Variants in TRIB3 observed in about 807,000 individuals in gnomAD.
The protein encoded by TRIB3 is tribbles homolog 3.
Under a neutral mutation model 16.6 loss-of-function variants are expected in TRIB3, and 20 were observed. That is an observed-to-expected ratio of 1.20 (90% CI 0.85 to 1.75). TRIB3 has a LOEUF of 1.75. TRIB3 is among the 40% of genes most tolerant of loss of function. TRIB3 has a pLI of 0.00. For missense variants in TRIB3, 484 were observed against 488.9 expected (o/e 0.99, Z 0.10); for synonymous variants, 208 against 217.0 (o/e 0.96, Z 0.36).
At chr20:391,631 A>G (rs1032420559) in intron 3 of TRIB3, 52 bp downstream of exon 3, 1 of 1,567,334 alleles carries the variant, frequency 6.4e-7, no homozygotes. Context: ...GGGGTGGGCC[A>G]TGATGGAGAG....
intron 1 of TRIB3, chr20:382,469 G>C (rs1281527654): frequency 4.8e-6 from 7 of 1,469,488 alleles, no homozygotes; most frequent in Admixed American, 2.0e-5. Context: ...ATCATCCTGC[G>C]TGACTCAGAA....
intron 2 of TRIB3, among the ~76,000 whole-genome samples, chr20:389,670 G>T (rs564105198): frequency 1.3e-5 from 2 of 152,248 alleles, no homozygotes; most frequent in Admixed American, 6.5e-5. Flanking sequence ...TCCCGCTGGG[G>T]AGGTGAGTCC....
chr20:396,491 G>A lies in TRIB3; in HGVS notation c.878G>A (p.Arg293His), dbSNP rs541757425. The A allele has an allele frequency of 4.7e-5, 76 of 1,612,892 alleles. 2 individuals carry two copies. The highest frequency in any genetic ancestry group is 3.8e-4 in the South Asian group (35 of 91,068). Residue 293 changes from arginine to histidine, a missense_variant, in exon 4 of 4, where the codon CGC (arginine) becomes CAC (histidine). Transcript: ENST00000217233. ...TCGGCCCCTGCCCGCTGTCTGGTTC[G>A]CTGCCTCCTTCGTCGGGAGCCAGCT... ...GLSAPARCLV[R>H]CLLRREPAER...
At chr20:382,584 GA>G in intron 1 of TRIB3, 1 of 1,535,496 alleles carries the variant, frequency 6.5e-7, no homozygotes, top group Non-Finnish European at 8.7e-7. Flanking sequence ...ATAACAGGAT[GA>G]GTGCTAATAA....
At chr20:382,059 G>T (rs1049990811) in intron 1 of TRIB3, among the ~76,000 whole-genome samples, 2 of 152,112 alleles carry the variant, frequency 1.3e-5, no homozygotes, top group Non-Finnish European at 2.9e-5. Flanking sequence ...TGGGGGTGCG[G>T]CCTTGCTCGG....
intron 2 of TRIB3, 95 bp downstream of exon 2, chr20:388,396 C>T: frequency 5.0e-6 from 7 of 1,402,842 alleles, no homozygotes; most frequent in Non-Finnish European, 6.6e-6. Context: ...TCCTTATGTT[C>T]ATTCATTCTT....
rs1038090211 is a variant in TRIB3, at chr20:385,611, T to G, written c.1-2400T>G. ...CCTTCTGAATGAGCTACTTTGGGAG[T>G]AGGGCCCAGCAATGTATGTTGAAAC... On this transcript the variant is annotated intron_variant, in intron 1 of 3. Transcript: ENST00000217233. 5 of 151,626 alleles carry G rather than the reference T, an allele frequency of 3.3e-5. 1 individual carries two copies. The South Asian group carries it at 1.0e-3, about 32-fold the overall frequency. 9.4% of individuals were successfully genotyped at this position (151,626 alleles called of 1,614,324 possible). A position where few individuals can be genotyped will look rare whatever the true frequency, so the allele number is the denominator to read the frequency against.
At chr20:389,932 A>G (rs1278081806) in intron 2 of TRIB3, among the ~76,000 whole-genome samples, 5 of 152,176 alleles carry the variant, frequency 3.3e-5, no homozygotes, top group African/African-American at 1.2e-4. Context: ...GAGCACCCGT[A>G]TTTGCCATGT....
At chr20:395,280 G>C (rs2015095091) in intron 3 of TRIB3, among the ~76,000 whole-genome samples, 1 of 151,578 alleles carries the variant, frequency 6.6e-6, no homozygotes, top group Admixed American at 6.6e-5. Context: ...TTCTGCCTCA[G>C]CCTCCCAAGT....
Position 381,086 on chromosome 20 carries a change from G to A in TRIB3, c.-84G>A, listed in dbSNP as rs2014626359. ...GGCTGGGATCCCGAGCTCGGCAGCA[G>A]CGCAGCGGGCCGGCCCACCTGCTGG... is the stretch of plus-strand genomic sequence containing the variant. On this transcript the variant is annotated 5_prime_UTR_variant, in exon 1 of 4. Coordinates refer to ENST00000217233, the MANE Select transcript of TRIB3 (RefSeq NM_021158.5). 1.3e-5 allele frequency: 2 copies of A among 152,162 alleles called. No homozygotes were observed. Among genetic ancestry groups the A allele is most frequent in the South Asian group, 4.1e-4 (2 of 4,834 alleles). 9.4% of individuals were successfully genotyped at this position (152,162 alleles called of 1,614,324 possible). A position where few individuals can be genotyped will look rare whatever the true frequency, so the allele number is the denominator to read the frequency against.
intron 3 of TRIB3, among the ~76,000 whole-genome samples, chr20:394,041 T>C (rs2015054822): frequency 6.6e-6 from 1 of 150,510 alleles, no homozygotes; most frequent in Non-Finnish European, 1.5e-5. Context: ...TCTTTTTTTT[T>C]TTTTTTTGAG....
chr20:393,406 A>C (rs530335626), intron 3 of TRIB3, among the ~76,000 whole-genome samples: 1 of 151,764 alleles, frequency 6.6e-6, no homozygotes, highest in East Asian at 1.9e-4. Flanking sequence ...ATCACAGCTC[A>C]CTGCAGCCTC....
rs2015126730 is a variant in TRIB3 at position 396,403 on chromosome 20, T to C, written c.790T>C (p.Ser264Pro). 6.8e-6 allele frequency: 11 copies of C among 1,613,152 alleles called. No homozygotes were observed. The highest frequency in any genetic ancestry group is 9.3e-6 in the Non-Finnish European group (11 of 1,180,038). The stretch of plus-strand genomic sequence containing the variant: ...GGCCGGCCACTACCCCTTCCAGGAC[T>C]CGGAGCCTGTCCTGCTCTTCGGCAA... ...MLAGHYPFQD[S>P]EPVLLFGKIR... is the part of the protein sequence containing the mutation. Residue 264 changes from serine to proline, a missense_variant, in exon 4 of 4, where the codon TCG becomes CCG. Transcript: ENST00000217233.
At chr20:390,440 T>C (rs2014940297) in intron 2 of TRIB3, among the ~76,000 whole-genome samples, 1 of 152,220 alleles carries the variant, frequency 6.6e-6, no homozygotes, top group Non-Finnish European at 1.5e-5. Flanking sequence ...TTGCATGGCC[T>C]CCCAGTGGGC....
At chr20:392,316 T>C (rs1453673953) in intron 3 of TRIB3, among the ~76,000 whole-genome samples, 1 of 152,166 alleles carries the variant, frequency 6.6e-6, no homozygotes, top group African/African-American at 2.4e-5. Context: ...TAATTCAATC[T>C]GAGCTTGAGA....
Position 396,240 on chromosome 20 carries a change from G to A in TRIB3, c.627G>A (p.Leu209=). ...VLENLEDSCV[L]TGPDDSLWDK... ...AGAACCTGGAGGACTCCTGCGTGCT[G>A]ACTGGGCCAGATGATTCCCTGTGGG... Residue 209 remains leucine (L), a synonymous_variant, in exon 4 of 4, where the codon CTG becomes CTA. Coordinates refer to ENST00000217233, the MANE Select transcript of TRIB3 (RefSeq NM_021158.5). 3 of 1,613,668 alleles carry A rather than the reference G, an allele frequency of 1.9e-6. No individual in the cohort carries two copies. The highest frequency in any genetic ancestry group is 2.5e-6 in the Non-Finnish European group (3 of 1,179,750).
At chr20:395,452 C>T (rs1451972480) in intron 3 of TRIB3, among the ~76,000 whole-genome samples, 6 of 151,666 alleles carry the variant, frequency 4.0e-5, no homozygotes, top group African/African-American at 1.5e-4. Context: ...TGAGCCACCG[C>T]GCCCAGCCTT....
chr20:383,921 C>T (rs1232218961), intron 1 of TRIB3, among the ~76,000 whole-genome samples: 1 of 152,154 alleles, frequency 6.6e-6, no homozygotes, highest in African/African-American at 2.4e-5. Context: ...CCACAGTCCC[C>T]AAAATACAGG....
At position 391,411 on chromosome 20, in the gene TRIB3, G is replaced by C. The variant is rs199753662; in HGVS notation, c.416G>C (p.Arg139Pro). 3 of 1,613,704 alleles carry C rather than the reference G, an allele frequency of 1.9e-6. No individual in the cohort carries two copies. Among genetic ancestry groups the C allele is most frequent in the Middle Eastern group, 1.6e-4 (1 of 6,082 alleles). The change falls in exon 3 of 4, where the codon CGG (arginine) becomes CCG (proline). Residue 139 changes from arginine (R) to proline (P), a missense_variant. Physicochemically the swap from Arg to Pro is moderately radical, Grantham distance 103 (BLOSUM62 -2). Transcript: ENST00000217233. The stretch of plus-strand genomic sequence containing the variant: ...CAGCTCCTCTACGCCTTTTTCACTC[G>C]GACCCATGGGGACATGCACAGCCTG... The part of the protein sequence containing the change: ...GTQLLYAFFT[R>P]THGDMHSLVR...
Sources: allele counts gnomAD v4.1 joint callset (sites outside exome capture counted in the v4.1 genomes callset), GRCh38; gene constraint gnomAD v4.1.1; transcripts MANE v1.5; gene names NCBI Gene and HGNC (gene_info 2026-07-23, HGNC 2026-07-21).